Variants in PARD3B observed in about 807,000 individuals in gnomAD.
The protein encoded by PARD3B is partitioning defective 3 homolog B.
Under a neutral mutation model 130.2 loss-of-function variants are expected in PARD3B, and 103 were observed. The ratio of observed to expected loss-of-function variants is 0.79; its 90% CI spans 0.67 to 0.93. The LOEUF is 0.93. Ranked by LOEUF, PARD3B falls within the 40% of genes least tolerant of loss-of-function variation. The pLI is 0.00. For synonymous variants in PARD3B, 583 were observed against 553.2 expected (o/e 1.05, Z -0.76); for missense variants, 1,609 against 1,499.2 (o/e 1.07, Z -1.21).
In PARD3B at chr2:205,172,282, C is replaced by A. The variant is rs751907573; in HGVS notation, c.1692C>A (p.His564Gln). Residue 564 changes from histidine to glutamine, a missense_variant, in exon 12 of 23, where the codon CAC becomes CAA. His to Gln is a conservative substitution (Grantham distance 24). Coordinates refer to ENST00000406610, the MANE Select transcript of PARD3B (RefSeq NM_001302769.2). ...NGESLLGKSN[H>Q]EAMETLRRSM... ...AATCTCTTTTGGGAAAGTCCAACCACGAAGCTATGGAAACACTTAGGCGGT... is the reference window on the plus strand; with the variant it reads ...AATCTCTTTTGGGAAAGTCCAACCAAGAAGCTATGGAAACACTTAGGCGGT... The A allele has an allele frequency of 1.2e-6, 2 of 1,614,024 alleles. No individual in the cohort carries two copies. Among genetic ancestry groups the A allele is most frequent in the Admixed American group, 3.3e-5 (2 of 60,016 alleles).
intron 2 of PARD3B, among the ~76,000 whole-genome samples, chr2:204,775,187 A>T (rs955812874): frequency 1.2e-4 from 18 of 152,070 alleles, no homozygotes; most frequent in South Asian, 6.2e-4. Context: ...AAATACGGAT[A>T]AAAAAAGTGT....
intron 2 of PARD3B, among the ~76,000 whole-genome samples, chr2:204,690,559 C>T (rs1042274418): frequency 1.3e-5 from 2 of 152,064 alleles, no homozygotes; most frequent in African/African-American, 2.4e-5. Flanking sequence ...GTGCCACCAG[C>T]GAAGAATGTA....
In PARD3B at chr2:205,258,607, C is replaced by T; in HGVS notation, c.2185+12785C>T. Among the ~76,000 whole-genome samples, 1 of 152,164 alleles carries T rather than the reference C, an allele frequency of 6.6e-6. No homozygotes were observed. The highest frequency in any genetic ancestry group is 1.9e-4 in the East Asian group (1 of 5,190). ...AGGCAGAGACTTTGTATCCCCAGTT[C>T]CAAAAGCAGTGTGTGGCACACGGCA... is the stretch of plus-strand genomic sequence containing the variant. On this transcript the variant is annotated intron_variant, in intron 16 of 22. Transcript: ENST00000406610. This position sits in a 1 kb window ranked among gnomAD's most constrained non-coding sequence, Gnocchi z 4.9.
intron 20 of PARD3B, among the ~76,000 whole-genome samples, chr2:205,450,880 C>T (rs532341064): frequency 6.6e-6 from 1 of 152,268 alleles, no homozygotes; most frequent in Admixed American, 6.5e-5. Context: ...AACCATAACT[C>T]ATTAGATATC....
At chr2:204,966,720 A>G (rs1467439577) in intron 3 of PARD3B, among the ~76,000 whole-genome samples, 5 of 152,156 alleles carry the variant, frequency 3.3e-5, no homozygotes, top group South Asian at 2.1e-4. Flanking sequence ...TTGAAACAAC[A>G]TAATATCGAA....
At chr2:204,810,466 G>A (rs2042925286) in intron 2 of PARD3B, among the ~76,000 whole-genome samples, 1 of 151,940 alleles carries the variant, frequency 6.6e-6, no homozygotes, top group Non-Finnish European at 1.5e-5. Flanking sequence ...TTTTAACATG[G>A]AAGGATGTTG....
In PARD3B at chr2:205,460,702, C is replaced by T. The variant is rs1266112836; in HGVS notation, c.3044+20030C>T. On this transcript the variant is annotated intron_variant, in intron 20 of 22. Transcript: ENST00000406610. The surrounding 1 kb of genome is among the most constrained non-coding windows in gnomAD (Gnocchi z 4.9). ...TTTGCCTCCAGAATGAAGGTGATACCGTATCTCATAAAATTCACAGAGGCC... is the reference window on the plus strand; with the variant it reads ...TTTGCCTCCAGAATGAAGGTGATACTGTATCTCATAAAATTCACAGAGGCC... Among the ~76,000 whole-genome samples the T allele has an allele frequency of 2.0e-5, 3 of 152,146 alleles. No homozygotes were observed. The highest frequency in any genetic ancestry group is 2.1e-4 in the South Asian group (1 of 4,820).
Position 205,121,668 on chromosome 2 carries a change from A to C in PARD3B, c.884A>C (p.Gln295Pro). The part of the protein sequence containing the change: ...LHVLPPQNRE[Q>P]YEKSVIGSLN... ...GTGCTTCCTCCACAAAACCGTGAAC[A>C]GTATGAAAAGTCAGTCATTGGCTCT... is the stretch of plus-strand genomic sequence containing the variant. The change falls in exon 8 of 23, where the codon CAG (glutamine) becomes CCG (proline). Residue 295 changes from glutamine (Q) to proline (P), a missense_variant. Coordinates refer to ENST00000406610, the MANE Select transcript of PARD3B (RefSeq NM_001302769.2). This position sits in a 1 kb window ranked among gnomAD's most constrained non-coding sequence, Gnocchi z 5.0. 5 of 1,614,206 alleles carry C rather than the reference A, an allele frequency of 3.1e-6. No homozygotes were observed. Among genetic ancestry groups the C allele is most frequent in the Non-Finnish European group, 3.4e-6 (4 of 1,180,036 alleles).
intron 3 of PARD3B, among the ~76,000 whole-genome samples, chr2:204,996,651 T>C (rs1326180838): frequency 6.7e-6 from 1 of 150,256 alleles, no homozygotes; most frequent in East Asian, 2.0e-4. Flanking sequence ...TAAGCAAGCC[T>C]GGGCAATGGC....
At chr2:204,998,362 G>A (rs76696607) in intron 3 of PARD3B, among the ~76,000 whole-genome samples, 1,240 of 62,790 alleles carry the variant, frequency 0.02, 96 homozygotes, top group African/African-American at 0.047. Context: ...ATATATATGT[G>A]TGTGTGTGTG....
intron 18 of PARD3B, among the ~76,000 whole-genome samples, chr2:205,375,016 A>C (rs1269730166): frequency 6.6e-6 from 1 of 152,230 alleles, no homozygotes; most frequent in Non-Finnish European, 1.5e-5. Context: ...TATGGTAATT[A>C]GACATAAATA....
Position 204,723,242 on chromosome 2 carries a change from T to C in PARD3B, c.222+36960T>C, listed in dbSNP as rs1174875743. ...GACTTAGCCATTGTTAATGATTCAG[T>C]TGATTTTTTAAAATTAAGAATGCAT... is the stretch of plus-strand genomic sequence containing the variant. On this transcript the variant is annotated intron_variant, in intron 2 of 22. Transcript: ENST00000406610. Among the ~76,000 whole-genome samples, 5 of 152,174 alleles carry C rather than the reference T, an allele frequency of 3.3e-5. No homozygotes were observed. In the East Asian group the frequency reaches 7.7e-4, roughly 23 times the overall value.
Position 205,121,384 on chromosome 2 carries a change from T to C in PARD3B, c.807-207T>C, listed in dbSNP as rs2030695844. On this transcript the variant is annotated intron_variant, in intron 7 of 22. Transcript: ENST00000406610. This position sits in a 1 kb window ranked among gnomAD's most constrained non-coding sequence, Gnocchi z 5.0. ...ATTAGAGAAGGATGCATGCTAATAATGCATGTATAAGCTAGTGCAGGGGCA... is the reference window on the plus strand; with the variant it reads ...ATTAGAGAAGGATGCATGCTAATAACGCATGTATAAGCTAGTGCAGGGGCA... Among the ~76,000 whole-genome samples, 1 of 152,208 alleles carries C rather than the reference T, an allele frequency of 6.6e-6. No homozygotes were observed. Among genetic ancestry groups the C allele is most frequent in the African/African-American group, 2.4e-5 (1 of 41,446 alleles).
At chr2:205,337,274 T>G (rs2043348835) in intron 18 of PARD3B, among the ~76,000 whole-genome samples, 1 of 152,216 alleles carries the variant, frequency 6.6e-6, no homozygotes, top group Admixed American at 6.5e-5. Flanking sequence ...AATAATAATT[T>G]TTGGAGCCTG....
chr2:204,948,605 GA>G (rs1261007440), intron 2 of PARD3B, among the ~76,000 whole-genome samples: 1 of 152,016 alleles, frequency 6.6e-6, no homozygotes, highest in Admixed American at 6.6e-5. Context: ...ACAAAAAAAG[GA>G]ACCTATTGTT....
chr2:204,610,143 C>T lies in PARD3B; in HGVS notation c.120+64024C>T, dbSNP rs1470329600. On this transcript the variant is annotated intron_variant, in intron 1 of 22. Coordinates refer to ENST00000406610, the MANE Select transcript of PARD3B (RefSeq NM_001302769.2). This position sits in a 1 kb window ranked among gnomAD's most constrained non-coding sequence, Gnocchi z 4.1. ...AAGAGGTTTAAGGAGGTTTGTCCCA[C>T]CTCCCTTCCCATCGTGGCTGGAAAT... 6.6e-6 allele frequency among the ~76,000 whole-genome samples: 1 copy of T among 152,084 alleles called. No homozygotes were observed. Among genetic ancestry groups the T allele is most frequent in the Non-Finnish European group, 1.5e-5 (1 of 68,020 alleles).
intron 18 of PARD3B, among the ~76,000 whole-genome samples, chr2:205,340,175 A>G (rs114919627): frequency 2.0e-4 from 31 of 152,266 alleles, no homozygotes; most frequent in East Asian, 7.7e-4. Context: ...TTTGGGTAGT[A>G]TGGTCATTTT....
chr2:204,750,475 A>T (rs1263034575), intron 2 of PARD3B, among the ~76,000 whole-genome samples: 1 of 152,154 alleles, frequency 6.6e-6, no homozygotes, highest in Non-Finnish European at 1.5e-5. Flanking sequence ...AGTCCCAGCT[A>T]CTTGGGAGGG....
At chr2:205,314,540 CTT>C (rs1369070733) in intron 18 of PARD3B, among the ~76,000 whole-genome samples, 2 of 152,172 alleles carry the variant, frequency 1.3e-5, no homozygotes, top group Non-Finnish European at 2.9e-5. Context: ...AGACCTGAAT[CTT>C]TGAAATAATA....
Sources: allele counts gnomAD v4.1 joint callset (sites outside exome capture counted in the v4.1 genomes callset), GRCh38; gene constraint gnomAD v4.1.1; non-coding constraint Gnocchi (gnomAD v3.1); transcripts MANE v1.5; gene names NCBI Gene and HGNC (gene_info 2026-07-23, HGNC 2026-07-21).